The following ADAMTS12 variants were observed in gnomAD, a reference collection of about 807,000 sequenced individuals.
The protein encoded by ADAMTS12 is A disintegrin and metalloproteinase with thrombospondin motifs 12.
ADAMTS12 carries 118 observed loss-of-function variants against 167.8 expected under a neutral mutation model. The observed-to-expected ratio is 0.70, with a 90% confidence interval of 0.61 to 0.82. ADAMTS12 has a LOEUF of 0.82. Ranked by LOEUF, ADAMTS12 falls within the 40% of genes least tolerant of loss-of-function variation. The pLI is 0.00. For missense variants in ADAMTS12, 1,916 were observed against 1,998.8 expected (o/e 0.96, Z 0.79); for synonymous variants, 704 against 716.9 (o/e 0.98, Z 0.29).
chr5:33,696,638 A>G (rs1282286195), intron 3 of ADAMTS12, among the ~76,000 whole-genome samples: 4 of 152,164 alleles, frequency 2.6e-5, no homozygotes, highest in Admixed American at 1.3e-4. Flanking sequence ...GAGGGACATC[A>G]TGCAGCTGGC....
intron 3 of ADAMTS12, among the ~76,000 whole-genome samples, chr5:33,730,697 T>C (rs959058013): frequency 6.6e-6 from 1 of 152,214 alleles, no homozygotes; most frequent in African/African-American, 2.4e-5. Context: ...TTAGTTAGGA[T>C]TGCTTCATTG....
chr5:33,531,451 G>A (rs1744098557), intron 23 of ADAMTS12, among the ~76,000 whole-genome samples: 1 of 152,202 alleles, frequency 6.6e-6, no homozygotes, highest in South Asian at 2.1e-4. Flanking sequence ...GATTGTCGCA[G>A]AAATCAATAG....
intron 16 of ADAMTS12, among the ~76,000 whole-genome samples, chr5:33,605,415 A>G (rs182921780): frequency 2.0e-4 from 31 of 152,384 alleles, no homozygotes; most frequent in Non-Finnish European, 3.1e-4. Flanking sequence ...TATAATTTCT[A>G]TTAGTTGAGC....
intron 20 of ADAMTS12, among the ~76,000 whole-genome samples, chr5:33,554,455 A>T (rs1172215095): frequency 6.6e-6 from 1 of 152,126 alleles, no homozygotes; most frequent in Non-Finnish European, 1.5e-5. Context: ...AGAATCTCTT[A>T]ATCTGAAATG....
At chr5:33,536,006 A>G (rs1252093789) in intron 22 of ADAMTS12, among the ~76,000 whole-genome samples, 1 of 152,146 alleles carries the variant, frequency 6.6e-6, no homozygotes, top group Non-Finnish European at 1.5e-5. Context: ...TGCAGGAGGG[A>G]GATTCGCTGG....
intron 22 of ADAMTS12, among the ~76,000 whole-genome samples, chr5:33,535,461 G>C (rs935578226): frequency 1.3e-5 from 2 of 152,148 alleles, no homozygotes; most frequent in African/African-American, 4.8e-5. Flanking sequence ...GAAAACTTGG[G>C]TGTTGTTGGT....
At chr5:33,585,916 G>A (rs1025923206) in intron 18 of ADAMTS12, among the ~76,000 whole-genome samples, 1 of 152,134 alleles carries the variant, frequency 6.6e-6, no homozygotes, top group Admixed American at 6.5e-5. Flanking sequence ...GCTTGAGTTG[G>A]TGGAGTGCTT....
chr5:33,540,830 G>T (rs916779983), intron 22 of ADAMTS12, among the ~76,000 whole-genome samples: 1 of 152,146 alleles, frequency 6.6e-6, no homozygotes, highest in African/African-American at 2.4e-5. Context: ...CCATCTGTAG[G>T]TCACCAACAT....
At chr5:33,858,347 A>C (rs1038929115) in intron 2 of ADAMTS12, among the ~76,000 whole-genome samples, 9 of 152,264 alleles carry the variant, frequency 5.9e-5, no homozygotes, top group Non-Finnish European at 1.2e-4. Context: ...AAGCTAAAGC[A>C]CAAAATGCTT....
At chr5:33,602,477 T>C (rs973277231) in intron 16 of ADAMTS12, among the ~76,000 whole-genome samples, 1 of 152,246 alleles carries the variant, frequency 6.6e-6, no homozygotes, top group Non-Finnish European at 1.5e-5. Context: ...ATTATCTTTA[T>C]GAAGTCCTAC....
chr5:33,748,439 T>C (rs1744866569), intron 3 of ADAMTS12, among the ~76,000 whole-genome samples: 1 of 152,106 alleles, frequency 6.6e-6, no homozygotes, highest in African/African-American at 2.4e-5. Context: ...TAAGAAAACA[T>C]AGTTAAAATT....
At chr5:33,660,716 C>T (rs796232180) in intron 6 of ADAMTS12, among the ~76,000 whole-genome samples, 16 of 152,240 alleles carry the variant, frequency 1.1e-4, no homozygotes, top group African/African-American at 3.4e-4. Flanking sequence ...CCAGAGTCCC[C>T]GTGCTTACAT....
chr5:33,823,766 A>G (rs1747951065), intron 2 of ADAMTS12, among the ~76,000 whole-genome samples: 1 of 151,914 alleles, frequency 6.6e-6, no homozygotes, highest in Admixed American at 6.6e-5. Context: ...AATATGTTGT[A>G]TGTCTTCGTT....
At chr5:33,536,400 A>T (rs1176434271) in intron 22 of ADAMTS12, among the ~76,000 whole-genome samples, 1 of 152,208 alleles carries the variant, frequency 6.6e-6, no homozygotes, top group East Asian at 1.9e-4. Context: ...GGAGCTAAAG[A>T]TAGATCAGTG....
At chr5:33,684,110 C>T in intron 3 of ADAMTS12, 55 bp from the exon 4 acceptor site, 4 of 1,247,510 alleles carry the variant, frequency 3.2e-6, no homozygotes, top group Non-Finnish European at 4.2e-6. Flanking sequence ...CATATATTAT[C>T]TACTTATGTT....
At chr5:33,561,285 GC>G in intron 19 of ADAMTS12, 106 bp from the exon 20 acceptor site, 1 of 1,369,392 alleles carries the variant, frequency 7.3e-7, no homozygotes. Flanking sequence ...TGCTAACATT[GC>G]CCACAGAGCT....
intron 22 of ADAMTS12, among the ~76,000 whole-genome samples, chr5:33,540,812 C>G (rs1744657428): frequency 6.6e-6 from 1 of 152,138 alleles, no homozygotes; most frequent in South Asian, 2.1e-4. Context: ...ACATCTACAC[C>G]AAAAACCCCA....
At chr5:33,609,452 C>G (rs1167522092) in intron 16 of ADAMTS12, among the ~76,000 whole-genome samples, 1 of 150,898 alleles carries the variant, frequency 6.6e-6, no homozygotes, top group Non-Finnish European at 1.5e-5. Flanking sequence ...CTCACTGCAG[C>G]CTCAACCTCC....
chr5:33,651,540 G>C (rs1416604076), intron 7 of ADAMTS12, among the ~76,000 whole-genome samples: 2 of 152,114 alleles, frequency 1.3e-5, no homozygotes, highest in Non-Finnish European at 2.9e-5. Flanking sequence ...GTCTGTCCCA[G>C]GCCATTTCGT....
Sources: gnomAD v4.1 joint callset for allele counts (sites outside exome capture counted in the v4.1 genomes callset) on GRCh38, gnomAD v4.1.1 for gene constraint, MANE v1.5 for transcripts, NCBI Gene and HGNC (gene_info 2026-07-23, HGNC 2026-07-21) for gene names.